Variants in TLL1 observed in about 807,000 individuals in gnomAD.
The protein encoded by TLL1 is tolloid like 1, also known as tolloid-like protein 1.
Under a neutral mutation model 128.2 loss-of-function variants are expected in TLL1, and 49 were observed. That is an observed-to-expected ratio of 0.38 (90% CI 0.30 to 0.48). TLL1 has a LOEUF of 0.48. TLL1 is among the 20% of genes least tolerant of loss of function. The probability of loss-of-function intolerance (pLI) is 0.96; values close to 1 mark genes in which losing one functional copy is unlikely to be tolerated. For missense variants in TLL1, 1,123 were observed against 1,242.0 expected, an observed-to-expected ratio of 0.90 and a Z score of 1.44; for synonymous variants, 454 against 418.8, an observed-to-expected ratio of 1.08 and a Z score of -1.03.
chr4:166,008,015 G>A lies in TLL1; in HGVS notation c.884G>A (p.Ser295Asn), dbSNP rs1335247211. 3 of 1,609,696 alleles carry A rather than the reference G, an allele frequency of 1.9e-6. No homozygotes were observed. Among genetic ancestry groups the A allele is most frequent in the Non-Finnish European group, 2.5e-6 (3 of 1,176,864 alleles). Residue 295 changes from serine to asparagine, a missense_variant, in exon 7 of 21, where the codon AGT becomes AAT. Ser to Asn is a conservative substitution (Grantham distance 46). Transcript: ENST00000061240. Reference sequence around the variant, plus strand: ...CTTGGAGAAAGATATGATTTCGACAGTATCATGCACTATGCCAGGAACACC... The same window carrying A: ...CTTGGAGAAAGATATGATTTCGACAATATCATGCACTATGCCAGGAACACC... ...NSLGERYDFD[S>N]IMHYARNTFS...
At chr4:165,921,720 G>A (rs1020478186) in intron 1 of TLL1, among the ~76,000 whole-genome samples, 1 of 152,182 alleles carries the variant, frequency 6.6e-6, no homozygotes, top group Non-Finnish European at 1.5e-5. Context: ...GGTCCCCAAG[G>A]AGTGATAAAA....
chr4:166,092,441 T>C (rs1284682583), intron 19 of TLL1, among the ~76,000 whole-genome samples: 1 of 152,006 alleles, frequency 6.6e-6, no homozygotes, highest in East Asian at 1.9e-4. Context: ...TTAATATAAA[T>C]ATAAATATTA....
chr4:165,917,053 G>T (rs546646428), intron 1 of TLL1, among the ~76,000 whole-genome samples: 1 of 151,994 alleles, frequency 6.6e-6, no homozygotes, highest in African/African-American at 2.4e-5. Context: ...ATATTATGTA[G>T]TATTTACGGC....
At chr4:165,945,794 C>T (rs1383085882) in intron 1 of TLL1, among the ~76,000 whole-genome samples, 1 of 152,096 alleles carries the variant, frequency 6.6e-6, no homozygotes, top group Non-Finnish European at 1.5e-5. Flanking sequence ...GCCACCTCCA[C>T]CCCAAGATAC....
chr4:165,944,388 C>G (rs56361922), intron 1 of TLL1, among the ~76,000 whole-genome samples: 4,088 of 152,190 alleles, frequency 0.027, 176 homozygotes, highest in African/African-American at 0.091. Context: ...CAAATAACAT[C>G]TTATGCAAAG....
At chr4:166,012,325 C>A (rs941993460) in intron 7 of TLL1, among the ~76,000 whole-genome samples, 7 of 151,058 alleles carry the variant, frequency 4.6e-5, no homozygotes, top group Admixed American at 4.6e-4. Flanking sequence ...ACTTCCTGAC[C>A]ACAAAAAAGA....
intron 1 of TLL1, among the ~76,000 whole-genome samples, chr4:165,882,845 C>G (rs6837090): frequency 0.012 from 1,800 of 151,654 alleles, 34 homozygotes; most frequent in African/African-American, 0.041. Flanking sequence ...CTCGAACTCC[C>G]AACCTCAGGT....
At chr4:165,903,879 A>T (rs1353964535) in intron 1 of TLL1, among the ~76,000 whole-genome samples, 1 of 152,198 alleles carries the variant, frequency 6.6e-6, no homozygotes, top group South Asian at 2.1e-4. Flanking sequence ...CTTACTTCCA[A>T]ATTCATCAAG....
At chr4:165,939,157 T>C (rs1362089271) in intron 1 of TLL1, among the ~76,000 whole-genome samples, 2 of 152,090 alleles carry the variant, frequency 1.3e-5, no homozygotes, top group Non-Finnish European at 2.9e-5. Flanking sequence ...CGTAGAGTGA[T>C]TGAATAACTA....
At chr4:165,899,559 T>C (rs1454344332) in intron 1 of TLL1, among the ~76,000 whole-genome samples, 2 of 152,238 alleles carry the variant, frequency 1.3e-5, no homozygotes, top group Non-Finnish European at 2.9e-5. Flanking sequence ...TCCTGAGTTC[T>C]AATTTGACTG....
At chr4:165,956,340 G>A (rs1734790062) in intron 1 of TLL1, among the ~76,000 whole-genome samples, 1 of 152,014 alleles carries the variant, frequency 6.6e-6, no homozygotes, top group Non-Finnish European at 1.5e-5. Flanking sequence ...GGTACTGGAG[G>A]AGACCAGGGT....
At chr4:165,939,583 C>T (rs1222500755) in intron 1 of TLL1, among the ~76,000 whole-genome samples, 1 of 152,030 alleles carries the variant, frequency 6.6e-6, no homozygotes, top group Non-Finnish European at 1.5e-5. Context: ...ACCCTTGGAT[C>T]CTCAAGCTAT....
chr4:165,986,344 G>A lies in TLL1; in HGVS notation c.170-3037G>A, dbSNP rs74671548. On this transcript the variant is annotated intron_variant, in intron 1 of 20. Transcript: ENST00000061240. ...TAGGACACAGATTTAAATAGAAGGC[G>A]AATTACGGAAATCTTCAAATGTGTG... Among the ~76,000 whole-genome samples the A allele has an allele frequency of 9.1e-3, 1,377 of 152,008 alleles. 29 individuals carry two copies. The highest frequency in any genetic ancestry group is 0.031 in the African/African-American group (1,279 of 41,500).
intron 19 of TLL1, among the ~76,000 whole-genome samples, chr4:166,091,882 C>T (rs1191478220): frequency 1.3e-5 from 2 of 151,832 alleles, no homozygotes; most frequent in Admixed American, 6.6e-5. Context: ...TTACAGATTT[C>T]GACTAACTGC....
At chr4:166,091,598 T>C (rs1741784386) in intron 19 of TLL1, among the ~76,000 whole-genome samples, 1 of 152,112 alleles carries the variant, frequency 6.6e-6, no homozygotes, top group Non-Finnish European at 1.5e-5. Flanking sequence ...CAGTGCAGTT[T>C]GTTTAAGTAG....
intron 17 of TLL1, among the ~76,000 whole-genome samples, chr4:166,076,324 C>T (rs149383655): frequency 1.9e-3 from 295 of 152,234 alleles, no homozygotes; most frequent in Non-Finnish European, 3.3e-3. Context: ...CCACCTGCCA[C>T]GGCCTCCCAA....
chr4:165,890,878 T>C (rs918974195), intron 1 of TLL1, among the ~76,000 whole-genome samples: 2 of 152,192 alleles, frequency 1.3e-5, no homozygotes, highest in African/African-American at 4.8e-5. Context: ...TTTCCTTCCA[T>C]ACTGCCCTAG....
At chr4:166,090,472 A>G (rs1457152447) in intron 18 of TLL1, among the ~76,000 whole-genome samples, 1 of 152,060 alleles carries the variant, frequency 6.6e-6, no homozygotes, top group Non-Finnish European at 1.5e-5. Flanking sequence ...AATGTCATAA[A>G]TAAGAGCAAA....
chr4:166,043,949 G>A (rs943063940), intron 12 of TLL1, among the ~76,000 whole-genome samples: 1 of 152,010 alleles, frequency 6.6e-6, no homozygotes, highest in Non-Finnish European at 1.5e-5. Flanking sequence ...TAGATGACGG[G>A]TCAGAAGAAA....
Sources: allele counts gnomAD v4.1 joint callset (sites outside exome capture counted in the v4.1 genomes callset), GRCh38; gene constraint gnomAD v4.1.1; transcripts MANE v1.5; gene names NCBI Gene and HGNC (gene_info 2026-07-23, HGNC 2026-07-21).